The following TESK2 variants were observed in gnomAD, a reference collection of about 807,000 sequenced individuals.
TESK2 encodes dual specificity testis-specific protein kinase 2.
TESK2 carries 39 observed loss-of-function variants against 57.1 expected under a neutral mutation model. That is an observed-to-expected ratio of 0.68 (90% CI 0.53 to 0.89). The LOEUF (loss-of-function observed/expected upper bound fraction) is 0.89. Ranked by LOEUF, TESK2 falls within the 40% of genes least tolerant of loss-of-function variation. TESK2 has a pLI of 0.00. For missense variants in TESK2, 646 were observed against 732.1 expected (o/e 0.88, Z 1.36); for synonymous variants, 249 against 267.9 (o/e 0.93, Z 0.69).
intron 6 of TESK2, 66 bp downstream of exon 6, chr1:45,347,852 G>T: frequency 1.4e-6 from 2 of 1,477,364 alleles, no homozygotes; most frequent in South Asian, 1.1e-5. Flanking sequence ...TGGGGAGGAG[G>T]CTAGAATTTT....
chr1:45,432,341 T>C (rs1651000215), intron 2 of TESK2, among the ~76,000 whole-genome samples: 1 of 151,858 alleles, frequency 6.6e-6, no homozygotes, highest in Non-Finnish European at 1.5e-5. Context: ...GGCCGAGTAT[T>C]TATCATTTAT....
intron 1 of TESK2, among the ~76,000 whole-genome samples, chr1:45,485,805 G>A (rs1653454479): frequency 6.6e-6 from 1 of 151,808 alleles, no homozygotes; most frequent in Non-Finnish European, 1.5e-5. Flanking sequence ...ACAGGCATGA[G>A]CCACCGCACC....
intron 3 of TESK2, among the ~76,000 whole-genome samples, chr1:45,391,304 A>C (rs1224007468): frequency 6.7e-6 from 1 of 149,212 alleles, no homozygotes; most frequent in African/African-American, 2.5e-5. Context: ...TGCAACCTCA[A>C]CCTCATTGGC....
At chr1:45,458,733 A>T (rs952042737) in intron 1 of TESK2, among the ~76,000 whole-genome samples, 14 of 151,878 alleles carry the variant, frequency 9.2e-5, no homozygotes, top group Non-Finnish European at 1.9e-4. Flanking sequence ...ATATTATATA[A>T]TTTTTAAAAA....
At chr1:45,463,826 C>T (rs1185930337) in intron 1 of TESK2, among the ~76,000 whole-genome samples, 1 of 152,036 alleles carries the variant, frequency 6.6e-6, no homozygotes, top group Non-Finnish European at 1.5e-5. Context: ...TAGGCTCAAG[C>T]GATCCACCCT....
chr1:45,418,902 G>A (rs1650351690), intron 3 of TESK2, among the ~76,000 whole-genome samples: 1 of 151,122 alleles, frequency 6.6e-6, no homozygotes, highest in African/African-American at 2.4e-5. Flanking sequence ...TACTTACTAT[G>A]TAATCACAAA....
chr1:45,357,194 CTCAT>C (rs1215296256), intron 4 of TESK2, among the ~76,000 whole-genome samples: 2 of 140,362 alleles, frequency 1.4e-5, no homozygotes, highest in African/African-American at 2.7e-5. Flanking sequence ...TAAACTCCAT[CTCAT>C]AAATAAATAA....
At chr1:45,468,159 G>A (rs1652631136) in intron 1 of TESK2, among the ~76,000 whole-genome samples, 1 of 147,946 alleles carries the variant, frequency 6.8e-6, no homozygotes, top group Non-Finnish European at 1.5e-5. Context: ...CTGGGCAATA[G>A]AGCAAACGTC....
chr1:45,451,547 G>A (rs1175434726), intron 2 of TESK2, among the ~76,000 whole-genome samples: 2 of 152,154 alleles, frequency 1.3e-5, no homozygotes, highest in Non-Finnish European at 2.9e-5. Context: ...CCGGGGTGGT[G>A]AAGGGGCAGC....
At chr1:45,488,163 T>G (rs1339497651) in intron 1 of TESK2, among the ~76,000 whole-genome samples, 1 of 151,992 alleles carries the variant, frequency 6.6e-6, no homozygotes, top group Non-Finnish European at 1.5e-5. Context: ...ATCCTCCCAC[T>G]TCAGCCTCCC....
chr1:45,419,098 C>T lies in TESK2; in HGVS notation c.344+2627G>A, dbSNP rs148321689. Among the ~76,000 whole-genome samples the T allele has an allele frequency of 5.0e-3, 764 of 152,064 alleles. 8 individuals carry two copies. Among genetic ancestry groups the T allele is most frequent in the African/African-American group, 0.017 (723 of 41,486 alleles). The stretch of plus-strand genomic sequence containing the variant: ...GTTCAAGAGCTTCTCCTGCCTCAGC[C>T]TCCCGAGTAGCTGGGACTACAGGTG... On this transcript the variant is annotated intron_variant, in intron 3 of 10. Transcript: ENST00000372086.
At chr1:45,466,074 G>A (rs192832188) in intron 1 of TESK2, among the ~76,000 whole-genome samples, 12 of 152,266 alleles carry the variant, frequency 7.9e-5, no homozygotes, top group Admixed American at 7.2e-4. Context: ...CGGGCATGGT[G>A]CCTTACGTCT....
intron 2 of TESK2, among the ~76,000 whole-genome samples, chr1:45,441,775 C>T (rs889108385): frequency 6.6e-6 from 1 of 151,880 alleles, no homozygotes; most frequent in African/African-American, 2.4e-5. Flanking sequence ...TGCCACCACG[C>T]CCAGCTAATT....
At chr1:45,447,984 T>G (rs1279163372) in intron 2 of TESK2, among the ~76,000 whole-genome samples, 1 of 149,350 alleles carries the variant, frequency 6.7e-6, no homozygotes, top group East Asian at 1.9e-4. Flanking sequence ...AATGGAGAGA[T>G]ATTTCACATT....
At chr1:45,379,641 T>C (rs1233158299) in intron 4 of TESK2, among the ~76,000 whole-genome samples, 1 of 152,150 alleles carries the variant, frequency 6.6e-6, no homozygotes, top group Non-Finnish European at 1.5e-5. Context: ...TACTCTTTAA[T>C]AAAGAAAGAA....
intron 1 of TESK2, among the ~76,000 whole-genome samples, chr1:45,482,688 T>G (rs1430161891): frequency 6.6e-6 from 1 of 150,644 alleles, no homozygotes; most frequent in Non-Finnish European, 1.5e-5. Flanking sequence ...AAGTCAAAAA[T>G]TATACCTGGG....
intron 2 of TESK2, among the ~76,000 whole-genome samples, chr1:45,423,042 G>A (rs1410429845): frequency 1.3e-5 from 2 of 151,908 alleles, no homozygotes; most frequent in Non-Finnish European, 2.9e-5. Context: ...ACCGTGCCTG[G>A]CCTGTTTTTA....
chr1:45,369,101 A>G (rs4520450), intron 4 of TESK2, among the ~76,000 whole-genome samples: 41,451 of 152,076 alleles, frequency 0.27, 5,956 homozygotes, highest in Admixed American at 0.4. Flanking sequence ...AGTAAATAGT[A>G]CAGCTTGGAT....
intron 2 of TESK2, among the ~76,000 whole-genome samples, chr1:45,422,803 T>C (rs1352684722): frequency 6.6e-6 from 1 of 151,832 alleles, no homozygotes; most frequent in Non-Finnish European, 1.5e-5. Context: ...AGAGTCTTGC[T>C]CTGTCACCCA....
Sources: gnomAD v4.1 joint callset for allele counts (sites outside exome capture counted in the v4.1 genomes callset) on GRCh38, gnomAD v4.1.1 for gene constraint, MANE v1.5 for transcripts, NCBI Gene and HGNC (gene_info 2026-07-23, HGNC 2026-07-21) for gene names.